The following C3orf22 variants were observed in gnomAD, a reference collection of about 807,000 sequenced individuals.
C3orf22 encodes uncharacterized protein C3orf22.
A neutral mutation model predicts 10.8 loss-of-function variants in C3orf22; 7 were observed. That is an observed-to-expected ratio of 0.65 (90% CI 0.37 to 1.22). The LOEUF is 1.22. C3orf22 is among the 50% of genes most tolerant of loss of function. The pLI, the probability that C3orf22 is intolerant of heterozygous loss-of-function variation, is 0.02. For synonymous variants in C3orf22, 79 were observed against 78.9 expected, an observed-to-expected ratio of 1.00 and a Z score of 0.00; for missense variants, 173 against 177.0, an observed-to-expected ratio of 0.98 and a Z score of 0.13.
intron 4 of C3orf22, among the ~76,000 whole-genome samples, chr3:126,536,896 AACACACACACAC>A (rs10670471): frequency 2.1e-5 from 3 of 140,488 alleles, no homozygotes; most frequent in East Asian, 2.2e-4. Flanking sequence ...CACACACACA[AACACACACACAC>A]ACACACACAC....
chr3:126,539,715 C>T (rs1358084768), intron 4 of C3orf22, among the ~76,000 whole-genome samples: 2 of 122,352 alleles, frequency 1.6e-5, no homozygotes, highest in Admixed American at 8.0e-5. Flanking sequence ...ACATATGCCA[C>T]ACACACCCCC....
rs1323131492 is a variant in C3orf22 at position 126,557,984 on chromosome 3, C to A, written c.-41+643G>T. On this transcript the variant is annotated intron_variant, in intron 1 of 3. Coordinates refer to ENST00000318225, the MANE Select transcript of C3orf22 (RefSeq NM_152533.3). ...CTGCAGCCACAGCCTGGGCCAGGCC[C>A]CAGCTCAGCCCCTTCCTGTCAGGTG... is the stretch of plus-strand genomic sequence containing the variant. Among the ~76,000 whole-genome samples the A allele has an allele frequency of 0.027, 21 of 790 alleles. No individual in the cohort carries two copies. The East Asian group carries it at 0.44, about 16-fold the overall frequency. 0.5% of individuals were successfully genotyped at this position (790 alleles called of 152,430 possible). A position where few individuals can be genotyped will look rare whatever the true frequency, so the allele number is the denominator to read the frequency against.
At chr3:126,541,186 G>A (rs905610291) in intron 4 of C3orf22, among the ~76,000 whole-genome samples, 3 of 152,188 alleles carry the variant, frequency 2.0e-5, no homozygotes, top group Non-Finnish European at 2.9e-5. Flanking sequence ...CTCAGAAGGG[G>A]CAGGCTTCCT....
chr3:126,552,817 C>T (rs145287445), intron 2 of C3orf22, among the ~76,000 whole-genome samples: 194 of 152,360 alleles, frequency 1.3e-3, no homozygotes, highest in Non-Finnish European at 2.1e-3. Flanking sequence ...AGCTGCCCTG[C>T]GCCCCAGGCA....
rs1249476986 is a variant in C3orf22, at chr3:126,541,809, G to A, written c.286+7728C>T. 5.8e-6 allele frequency: 9 copies of A among 1,556,244 alleles called. No individual in the cohort carries two copies. In the African/African-American group the frequency reaches 9.6e-5, roughly 17 times the overall value. ...AACAGCGCCTGTAGCCGCCACTCAC[G>A]CCGGCAGCGCCTGCTACAGCCGGAG... On this transcript the variant is annotated intron_variant and NMD_transcript_variant, in intron 4 of 5. Coordinates refer to the C3orf22 transcript ENST00000505070.
chr3:126,537,694 A>G (rs1040768267), intron 4 of C3orf22, among the ~76,000 whole-genome samples: 3 of 152,162 alleles, frequency 2.0e-5, no homozygotes, highest in Non-Finnish European at 2.9e-5. Context: ...CAGCCTGAGG[A>G]CCCTGTGACC....
chr3:126,558,322 T>C (rs1354580773), intron 1 of C3orf22, among the ~76,000 whole-genome samples: 1 of 152,212 alleles, frequency 6.6e-6, no homozygotes, highest in Non-Finnish European at 1.5e-5. Context: ...TGCTGGGCCA[T>C]GCAGCCTCAA....
chr3:126,558,644 T>C lies in C3orf22; in HGVS notation c.-58A>G, dbSNP rs2107588970. The C allele has an allele frequency of 6.6e-6, 1 of 152,422 alleles. No homozygotes were observed. Among genetic ancestry groups the C allele is most frequent in the Middle Eastern group, 3.4e-3 (1 of 298 alleles). The allele number at this position is 152,422 out of a possible 1,614,324, so 9.4% of individuals were successfully genotyped here. On this transcript the variant is annotated 5_prime_UTR_variant, in exon 1 of 4. Transcript: ENST00000318225. Reference sequence around the variant, plus strand: ...GCACTCACCAGGCAGCTACCTTGAATTCTGGCAGTGACGATGATCAGGTGT... The same window carrying C: ...GCACTCACCAGGCAGCTACCTTGAACTCTGGCAGTGACGATGATCAGGTGT...
intron 4 of C3orf22, among the ~76,000 whole-genome samples, chr3:126,533,584 T>C (rs763388017): frequency 3.9e-5 from 6 of 152,236 alleles, no homozygotes; most frequent in Admixed American, 2.6e-4. Flanking sequence ...TACTTGGTCA[T>C]GGTGTATAAA....
intron 4 of C3orf22, chr3:126,541,793 T>G (rs1936962401): frequency 2.6e-6 from 4 of 1,543,858 alleles, no homozygotes; most frequent in Admixed American, 2.0e-5. Context: ...GAACAGCGCC[T>G]GTAGCCGCCA....
At chr3:126,535,293 C>A (rs368433765) in intron 4 of C3orf22, among the ~76,000 whole-genome samples, 51 of 148,386 alleles carry the variant, frequency 3.4e-4, no homozygotes, top group African/African-American at 1.3e-3. Context: ...TGGAGAAAGA[C>A]AGACAGCATC....
chr3:126,530,678 C>T lies in C3orf22; in HGVS notation c.287-1306G>A, dbSNP rs551992672. ...TCAGGCCACACCCAGCCTGGGTCTC[C>T]CTGCACCAGCATGACCAGCCAACAT... On this transcript the variant is annotated intron_variant and NMD_transcript_variant, in intron 4 of 5. Transcript: ENST00000505070. 3.3e-5 allele frequency among the ~76,000 whole-genome samples: 5 copies of T among 152,374 alleles called. No individual in the cohort carries two copies. The South Asian group carries it at 1.0e-3, about 32-fold the overall frequency.
Position 126,536,749 on chromosome 3 carries a change from A to G in C3orf22, c.287-7377T>C, listed in dbSNP as rs1936800187. Reference sequence around the variant, plus strand: ...GGCGTGATTCTCAAACAGATGGACCAGGCGGGGCTGGCTGGCCCACACACC... The same window carrying G: ...GGCGTGATTCTCAAACAGATGGACCGGGCGGGGCTGGCTGGCCCACACACC... On this transcript the variant is annotated intron_variant and NMD_transcript_variant, in intron 4 of 5. Transcript: ENST00000505070. 2.0e-5 allele frequency among the ~76,000 whole-genome samples: 3 copies of G among 151,920 alleles called. No individual in the cohort carries two copies. In the South Asian group the frequency reaches 6.3e-4, roughly 32 times the overall value.
chr3:126,553,751 C>T (rs60315858), intron 1 of C3orf22, among the ~76,000 whole-genome samples: 7,914 of 152,278 alleles, frequency 0.052, 202 homozygotes, highest in Middle Eastern at 0.065. Flanking sequence ...TTCAGGAGCG[C>T]TATGCGGAGG....
In C3orf22 at chr3:126,536,323, C is replaced by T. The variant is rs147017058; in HGVS notation, c.287-6951G>A. On this transcript the variant is annotated intron_variant and NMD_transcript_variant, in intron 4 of 5. Transcript: ENST00000505070. The stretch of plus-strand genomic sequence containing the variant: ...GCTGGCTTGGTGGGGAGAAGAGAAG[C>T]CCCCTGCAGAAGCTCTATGACCTGG... 206 of 1,613,968 alleles carry T rather than the reference C, an allele frequency of 1.3e-4. 4 individuals carry two copies. Among genetic ancestry groups the T allele is most frequent in the South Asian group, 1.0e-3 (95 of 91,052 alleles).
chr3:126,549,690 AGTGGG>A (rs1937135545), exon 4 of C3orf22: 2 of 1,525,762 alleles, frequency 1.3e-6, no homozygotes, highest in East Asian at 4.9e-5. Context: ...TCCAGCTGGA[AGTGGG>A]GTGGGAACTC....
chr3:126,556,591 C>T (rs570132185), intron 1 of C3orf22, among the ~76,000 whole-genome samples: 16 of 152,142 alleles, frequency 1.1e-4, no homozygotes, highest in South Asian at 8.3e-4. Context: ...GGACCCAGGC[C>T]AAGAAGGCGG....
chr3:126,549,703 C>T lies in C3orf22; in HGVS notation c.*165G>A. ...ATTCCAGCTGGAAGTGGGGTGGGAA[C>T]TCGCAGTTTATTAGCTTGGTGTAGC... On this transcript the variant is annotated 3_prime_UTR_variant, in exon 4 of 4. Transcript: ENST00000318225. 1 of 1,525,162 alleles carries T rather than the reference C, an allele frequency of 6.6e-7. No individual in the cohort carries two copies. The highest frequency in any genetic ancestry group is 8.8e-7 in the Non-Finnish European group (1 of 1,140,226). 94.5% of individuals were successfully genotyped at this position (1,525,162 alleles called of 1,614,324 possible). A position where few individuals can be genotyped will look rare whatever the true frequency, so the allele number is the denominator to read the frequency against.
At chr3:126,548,605 G>T (rs28412252), downstream of C3orf22, among the ~76,000 whole-genome samples, 7,601 of 152,314 alleles carry the variant, frequency 0.05, 307 homozygotes, top group African/African-American at 0.11. Context: ...GGTGCTGCTG[G>T]AAGCTGTACT....
Sources: allele counts gnomAD v4.1 joint callset (sites outside exome capture counted in the v4.1 genomes callset), GRCh38; gene constraint gnomAD v4.1.1; transcripts MANE v1.5; gene names NCBI Gene and HGNC (gene_info 2026-07-23, HGNC 2026-07-21).